The following DPYD variants were observed in gnomAD, a reference collection of about 807,000 sequenced individuals.
DPYD encodes dihydropyrimidine dehydrogenase, also known as dihydropyrimidine dehydrogenase [NADP(+)].
A neutral mutation model predicts 116.2 loss-of-function variants in DPYD; 109 were observed. The observed-to-expected ratio is 0.94, with a 90% confidence interval of 0.80 to 1.10. The LOEUF is 1.10. Among genes scored for constraint, DPYD ranks in the 50% least tolerant of loss-of-function variants. The pLI is 0.00. For synonymous variants in DPYD, 440 were observed against 432.0 expected, an observed-to-expected ratio of 1.02 and a Z score of -0.23; for missense variants, 1,302 against 1,254.5, an observed-to-expected ratio of 1.04 and a Z score of -0.57.
chr1:97,699,255 C>A (rs1661461093), intron 6 of DPYD, 96 bp downstream of exon 6: 1 of 1,230,560 alleles, frequency 8.1e-7, no homozygotes, highest in East Asian at 2.4e-5. Flanking sequence ...CATCTGTGAG[C>A]CTGAAGTTCC....
rs57316508 is a variant in DPYD, at chr1:97,887,469, T to TA, written c.40-4096dup. ...TGGGTGACAAAGTGAGACTCTGCAT[T>TA]AAAAAAAAAAAAAAAAAAAAAAAAA... On this transcript the variant is annotated intron_variant, in intron 1 of 22. Coordinates refer to ENST00000370192, the MANE Select transcript of DPYD (RefSeq NM_000110.4). Among the ~76,000 whole-genome samples, 237 of 47,138 alleles carry TA rather than the reference T, an allele frequency of 5.0e-3. 7 individuals are homozygous for TA. Among genetic ancestry groups the TA allele is most frequent in the African/African-American group, 0.017 (206 of 11,878 alleles). The allele number at this position is 47,138 out of a possible 152,430, so 30.9% of individuals were successfully genotyped here.
intron 13 of DPYD, among the ~76,000 whole-genome samples, chr1:97,464,333 G>A (rs1047378844): frequency 5.9e-5 from 9 of 151,948 alleles, no homozygotes; most frequent in East Asian, 1.9e-4. Context: ...AGAAAATCCC[G>A]TTTTCTGAGG....
intron 18 of DPYD, among the ~76,000 whole-genome samples, chr1:97,287,334 C>T (rs1665766214): frequency 1.3e-5 from 2 of 152,160 alleles, no homozygotes; most frequent in Admixed American, 1.3e-4. Flanking sequence ...CAGTCTGCCC[C>T]TACTGGGAGG....
intron 12 of DPYD, among the ~76,000 whole-genome samples, chr1:97,518,948 C>T (rs1281966936): frequency 6.6e-6 from 1 of 152,006 alleles, no homozygotes; most frequent in Non-Finnish European, 1.5e-5. Flanking sequence ...TTTTGCTGTA[C>T]GTTTCTGTTT....
At chr1:97,271,370 T>C (rs1485540436) in intron 18 of DPYD, among the ~76,000 whole-genome samples, 2 of 152,160 alleles carry the variant, frequency 1.3e-5, no homozygotes, top group Non-Finnish European at 2.9e-5. Context: ...ATTGCAGTAT[T>C]CCCAGAGATA....
intron 19 of DPYD, among the ~76,000 whole-genome samples, chr1:97,229,345 GTTACA>G (rs1661425241): frequency 6.7e-6 from 1 of 149,148 alleles, no homozygotes; most frequent in African/African-American, 2.5e-5. Context: ...CAATTGCAGA[GTTACA>G]TTAATTTCTC....
chr1:97,445,038 T>C (rs1676001188), intron 14 of DPYD, among the ~76,000 whole-genome samples: 1 of 152,094 alleles, frequency 6.6e-6, no homozygotes, highest in South Asian at 2.1e-4. Context: ...GAATAAACTG[T>C]TCTCAGTGCC....
intron 3 of DPYD, among the ~76,000 whole-genome samples, chr1:97,741,862 G>A (rs1171573406): frequency 6.6e-6 from 1 of 152,054 alleles, no homozygotes; most frequent in Non-Finnish European, 1.5e-5. Context: ...GAGGTTGTCA[G>A]GACAGGCTTC....
At chr1:97,811,882 A>G (rs1668365650) in intron 3 of DPYD, among the ~76,000 whole-genome samples, 2 of 58,276 alleles carry the variant, frequency 3.4e-5, no homozygotes, top group South Asian at 6.3e-4. Flanking sequence ...TAAATAAATT[A>G]ATTTAAAACT....
chr1:97,474,185 A>G (rs1278113162), intron 13 of DPYD, among the ~76,000 whole-genome samples: 3 of 152,186 alleles, frequency 2.0e-5, no homozygotes, highest in African/African-American at 2.4e-5. Context: ...TACTTATGCA[A>G]GGTAATCAAA....
Position 97,447,970 on chromosome 1 carries a change from T to TC in DPYD, c.1905+2088dup, listed in dbSNP as rs201884738. On this transcript the variant is annotated intron_variant, in intron 14 of 22. Coordinates refer to ENST00000370192, the MANE Select transcript of DPYD (RefSeq NM_000110.4). ...CTAGAACAGTGGCTTACACCTGTAA[T>TC]CCCAGCACTTTGGGAGGCTGAGGTA... 3.9e-5 allele frequency among the ~76,000 whole-genome samples: 6 copies of TC among 152,268 alleles called. No homozygotes were observed. The East Asian group carries it at 1.2e-3, about 29-fold the overall frequency.
intron 16 of DPYD, among the ~76,000 whole-genome samples, chr1:97,315,329 AC>A (rs776626568): frequency 5.3e-5 from 8 of 151,932 alleles, no homozygotes; most frequent in Non-Finnish European, 1.0e-4. Flanking sequence ...AAACTGTAGT[AC>A]AAGGGTCTAG....
At chr1:97,579,959 T>G (rs1187114119) in intron 10 of DPYD, among the ~76,000 whole-genome samples, 1 of 152,224 alleles carries the variant, frequency 6.6e-6, no homozygotes, top group African/African-American at 2.4e-5. Flanking sequence ...AAAAATAGCA[T>G]GCTATAAACT....
intron 3 of DPYD, among the ~76,000 whole-genome samples, chr1:97,822,232 CTCTCTA>C (rs963293702): frequency 6.8e-6 from 1 of 147,816 alleles, no homozygotes; most frequent in Non-Finnish European, 1.5e-5. Flanking sequence ...TTCTCTCTCT[CTCTCTA>C]TATATATATA....
Position 97,163,580 on chromosome 1 carries a change from G to A in DPYD, c.2622+29489C>T, listed in dbSNP as rs530342169. Among the ~76,000 whole-genome samples, 4 of 152,252 alleles carry A rather than the reference G, an allele frequency of 2.6e-5. No homozygotes were observed. The East Asian group carries it at 7.7e-4, about 29-fold the overall frequency. Reference sequence around the variant, plus strand: ...AAGTCCAAGATCAAAGTGCTGGCAGGTTTGGTATTGGGAGTTTGGTTTCTG... The same window carrying A: ...AAGTCCAAGATCAAAGTGCTGGCAGATTTGGTATTGGGAGTTTGGTTTCTG... On this transcript the variant is annotated intron_variant, in intron 20 of 22. Transcript: ENST00000370192.
chr1:97,371,309 T>A (rs1671298528), intron 16 of DPYD, among the ~76,000 whole-genome samples: 2 of 152,210 alleles, frequency 1.3e-5, no homozygotes, highest in African/African-American at 2.4e-5. Context: ...AAGCAAATAT[T>A]AATCAGGCTC....
intron 12 of DPYD, among the ~76,000 whole-genome samples, chr1:97,536,401 C>T (rs759434306): frequency 6.6e-6 from 1 of 152,176 alleles, no homozygotes; most frequent in Non-Finnish European, 1.5e-5. Flanking sequence ...ATATCTTAAA[C>T]TGAAGGACAC....
chr1:97,834,193 T>A (rs182361016), intron 2 of DPYD, among the ~76,000 whole-genome samples: 140 of 152,196 alleles, frequency 9.2e-4, no homozygotes, highest in African/African-American at 3.2e-3. Flanking sequence ...TAAAGCATCT[T>A]AAGTTCAAAC....
chr1:97,297,016 T>C (rs1457456349), intron 18 of DPYD, among the ~76,000 whole-genome samples: 2 of 152,190 alleles, frequency 1.3e-5, no homozygotes, highest in African/African-American at 2.4e-5. Context: ...TTGAACTTAC[T>C]GCTAAAATTC....
Sources: gnomAD v4.1 joint callset for allele counts (sites outside exome capture counted in the v4.1 genomes callset) on GRCh38, gnomAD v4.1.1 for gene constraint, MANE v1.5 for transcripts, NCBI Gene and HGNC (gene_info 2026-07-23, HGNC 2026-07-21) for gene names.